The following PCDHGB2 variants were observed in gnomAD, a reference collection of about 807,000 sequenced individuals.
PCDHGB2 encodes the protein protocadherin gamma subfamily B, 2, also known as protocadherin gamma-B2.
A neutral mutation model predicts 59.3 loss-of-function variants in PCDHGB2; 55 were observed. The ratio of observed to expected loss-of-function variants is 0.93; its 90% CI spans 0.75 to 1.16. PCDHGB2 has a LOEUF of 1.16. Among genes scored for constraint, PCDHGB2 ranks in the 50% most tolerant of loss-of-function variants. The probability of loss-of-function intolerance (pLI) is 0.00; values close to 1 mark genes in which losing one functional copy is unlikely to be tolerated. For missense variants in PCDHGB2, 1,228 were observed against 1,198.5 expected (o/e 1.02, Z -0.36); for synonymous variants, 516 against 512.0 (o/e 1.01, Z -0.11).
chr5:141,378,002 A>G (rs111381371), intron 1 of PCDHGB2: 1 of 152,236 alleles, frequency 6.6e-6, no homozygotes, highest in Non-Finnish European at 1.5e-5. Flanking sequence ...AGCTTGGCTC[A>G]AATAAGCTCT....
Position 141,432,502 on chromosome 5 carries a change from C to T in PCDHGB2, c.2422-62305C>T. On this transcript the variant is annotated intron_variant, in intron 1 of 3. Transcript: ENST00000522605. This position sits in a 1 kb window ranked among gnomAD's most constrained non-coding sequence, Gnocchi z 6.0. ...CTGGCGTGGAGCTGGCTCCCCGCTC[C>T]GCAGAGCCCGGCTACCTGGTGACCA... 6.2e-7 allele frequency: 1 copy of T among 1,614,142 alleles called. No individual in the cohort carries two copies. The highest frequency in any genetic ancestry group is 8.5e-7 in the Non-Finnish European group (1 of 1,180,042).
intron 1 of PCDHGB2, chr5:141,409,838 G>A: frequency 1.2e-6 from 2 of 1,611,532 alleles, no homozygotes; most frequent in Non-Finnish European, 1.7e-6. Context: ...CAGCGCCAAC[G>A]TGAGCCTGCG....
chr5:141,423,141 G>T (rs2096714253), intron 1 of PCDHGB2: 6 of 1,613,580 alleles, frequency 3.7e-6, no homozygotes, highest in East Asian at 2.2e-5. Context: ...ACAGAGACGC[G>T]CTCAAGCAGA....
Position 141,485,302 on chromosome 5 carries a change from T to C in PCDHGB2, c.2422-9505T>C. 1.2e-6 allele frequency: 2 copies of C among 1,614,152 alleles called. No homozygotes were observed. Among genetic ancestry groups the C allele is most frequent in the South Asian group, 2.2e-5 (2 of 91,078 alleles). On this transcript the variant is annotated intron_variant, in intron 1 of 3. Coordinates refer to ENST00000522605, the MANE Select transcript of PCDHGB2 (RefSeq NM_018923.3). This position sits in a 1 kb window ranked among gnomAD's most constrained non-coding sequence, Gnocchi z 5.7. ...TCCCAGAGGAGTCACAGGAAGGGAC[T>C]TTTGTAGGGAATGTCGCTCAAGATT... is the stretch of plus-strand genomic sequence containing the variant.
At chr5:141,414,414 C>T (rs376404716) in intron 1 of PCDHGB2, 4 of 1,613,830 alleles carry the variant, frequency 2.5e-6, no homozygotes, top group South Asian at 1.1e-5. Context: ...TACACAGAGC[C>T]CTTGACAGGG....
chr5:141,364,491 T>G, intron 1 of PCDHGB2: 1 of 1,614,022 alleles, frequency 6.2e-7, no homozygotes. Context: ...GACCTTGGGC[T>G]GGAGCCCCAG....
chr5:141,491,956 A>G lies in PCDHGB2; in HGVS notation c.2422-2851A>G, dbSNP rs2099735623. 1.9e-6 allele frequency: 2 copies of G among 1,035,704 alleles called. No homozygotes were observed. Among genetic ancestry groups the G allele is most frequent in the Non-Finnish European group, 2.7e-6 (2 of 749,368 alleles). The allele number at this position is 1,035,704 out of a possible 1,614,324, so 64.2% of individuals were successfully genotyped here. A position where few individuals can be genotyped will look rare whatever the true frequency, so the allele number is the denominator to read the frequency against. On this transcript the variant is annotated intron_variant, in intron 1 of 3. Transcript: ENST00000522605. This position sits in a 1 kb window ranked among gnomAD's most constrained non-coding sequence, Gnocchi z 6.9. Reference sequence around the variant, plus strand: ...GGACCGACCCCCACCCCTACACTCAAAAAAGGCCGGGGCCTCCTTCGAGCT... The same window carrying G: ...GGACCGACCCCCACCCCTACACTCAGAAAAGGCCGGGGCCTCCTTCGAGCT...
In PCDHGB2 at chr5:141,393,718, C is replaced by G. The variant is rs185464441; in HGVS notation, c.2421+31162C>G. Reference sequence around the variant, plus strand: ...CTTAATGAAAATACTGGGGAAATATCAATAGCAAAAAGTCTAGATTATGAA... The same window carrying G: ...CTTAATGAAAATACTGGGGAAATATGAATAGCAAAAAGTCTAGATTATGAA... On this transcript the variant is annotated intron_variant, in intron 1 of 3. Transcript: ENST00000522605. 1.4e-4 allele frequency: 220 copies of G among 1,613,644 alleles called. 1 individual carries two copies. Among genetic ancestry groups the G allele is most frequent in the Non-Finnish European group, 1.8e-4 (214 of 1,179,840 alleles).
chr5:141,505,341 A>T, intron 2 of PCDHGB2, 52 bp from the exon 3 acceptor site: 1 of 1,612,728 alleles, frequency 6.2e-7, no homozygotes, highest in Non-Finnish European at 8.5e-7. Flanking sequence ...CAGGAGGGGC[A>T]TGAGCTGTGC....
chr5:141,415,533 G>C lies in PCDHGB2; in HGVS notation c.2421+52977G>C, dbSNP rs749139053. On this transcript the variant is annotated intron_variant, in intron 1 of 3. Coordinates refer to ENST00000522605, the MANE Select transcript of PCDHGB2 (RefSeq NM_018923.3). ...ATTATGCGGACACGCTCATCAGCCA[G>C]GAGAGCTGTGAGAAAAACGATCCTT... is the stretch of plus-strand genomic sequence containing the variant. 1.4e-5 allele frequency: 22 copies of C among 1,614,080 alleles called. No individual in the cohort carries two copies. Among genetic ancestry groups the C allele is most frequent in the Non-Finnish European group, 1.9e-5 (22 of 1,180,042 alleles).
At position 141,436,706 on chromosome 5, in the gene PCDHGB2, A is replaced by G. The variant is rs149478256; in HGVS notation, c.2422-58101A>G. 3.9e-3 allele frequency among the ~76,000 whole-genome samples: 587 copies of G among 152,318 alleles called. 6 individuals are homozygous for G. Among genetic ancestry groups the G allele is most frequent in the Admixed American group, 0.011 (169 of 15,304 alleles). On this transcript the variant is annotated intron_variant, in intron 1 of 3. Transcript: ENST00000522605. ...TATATTTTCAATGCCAGCACACTCG[A>G]TGTTCTGTTGGGAAAAATAATAATG...
intron 1 of PCDHGB2, chr5:141,419,278 A>G: frequency 6.2e-7 from 1 of 1,614,038 alleles, no homozygotes; most frequent in Non-Finnish European, 8.5e-7. Context: ...CCATAGCGCA[A>G]GTCAGTGCCT....
intron 1 of PCDHGB2, chr5:141,370,869 G>C: frequency 6.2e-7 from 1 of 1,614,036 alleles, no homozygotes. Context: ...ATCTGCGCAA[G>C]ATCCTGATGT....
At chr5:141,383,257 G>C in intron 1 of PCDHGB2, 1 of 1,613,922 alleles carries the variant, frequency 6.2e-7, no homozygotes, top group Non-Finnish European at 8.5e-7. Flanking sequence ...TTACCCTATA[G>C]ACGTGGAAAT....
chr5:141,379,889 C>CTTTTTTTTTTTGTTTT (rs1775949907), intron 1 of PCDHGB2, among the ~76,000 whole-genome samples: 1 of 50,830 alleles, frequency 2.0e-5, no homozygotes, highest in Non-Finnish European at 3.9e-5. Flanking sequence ...GTGAAAGCCT[C>CTTTTTTTTTTTGTTTT]TTTTTTTTTT....
intron 1 of PCDHGB2, chr5:141,384,400 G>C: frequency 6.2e-7 from 1 of 1,613,936 alleles, no homozygotes; most frequent in South Asian, 1.1e-5. Flanking sequence ...GGGGGCTCCA[G>C]TGTCCTCCTA....
intron 1 of PCDHGB2, among the ~76,000 whole-genome samples, chr5:141,492,438 G>C (rs2099740636): frequency 6.6e-6 from 1 of 152,236 alleles, no homozygotes; most frequent in Non-Finnish European, 1.5e-5. Flanking sequence ...AGGAGTACTC[G>C]TAGCTGATTG....
intron 1 of PCDHGB2, chr5:141,418,614 G>C: frequency 1.2e-6 from 2 of 1,613,994 alleles, no homozygotes; most frequent in Non-Finnish European, 1.7e-6. Flanking sequence ...GTTAGCCTTC[G>C]GGAAGACGTG....
At chr5:141,408,271 T>A in intron 1 of PCDHGB2, 23 of 1,610,976 alleles carry the variant, frequency 1.4e-5, no homozygotes, top group Non-Finnish European at 1.9e-5. Context: ...TGCTGCTGCC[T>A]TTGTTCTACC....
Sources: gnomAD v4.1 joint callset for allele counts (sites outside exome capture counted in the v4.1 genomes callset) on GRCh38, gnomAD v4.1.1 for gene constraint, Gnocchi (gnomAD v3.1) non-coding constraint, MANE v1.5 for transcripts, NCBI Gene and HGNC (gene_info 2026-07-23, HGNC 2026-07-21) for gene names.